Variants in TENM4 observed in about 807,000 individuals in gnomAD.
TENM4 encodes teneurin-4.
In TENM4, 82 loss-of-function variants were observed where a neutral mutation model predicts 243.3. The ratio of observed to expected loss-of-function variants is 0.34; its 90% CI spans 0.28 to 0.40. The LOEUF (loss-of-function observed/expected upper bound fraction) is 0.40. TENM4 is among the 10% of genes least tolerant of loss of function. The probability of loss-of-function intolerance (pLI) is 1.00; values close to 1 mark genes in which losing one functional copy is unlikely to be tolerated. For missense variants in TENM4, 3,138 were observed against 3,673.3 expected, an observed-to-expected ratio of 0.85 and a Z score of 3.77; for synonymous variants, 1,412 against 1,456.3, an observed-to-expected ratio of 0.97 and a Z score of 0.69.
At chr11:79,017,077 A>G (rs1858793199) in intron 6 of TENM4, among the ~76,000 whole-genome samples, 1 of 152,226 alleles carries the variant, frequency 6.6e-6, no homozygotes, top group Non-Finnish European at 1.5e-5. Flanking sequence ...TATAATTATC[A>G]TTAAGTGGGC....
chr11:78,745,852 AT>A (rs1856039382), intron 19 of TENM4, among the ~76,000 whole-genome samples: 1 of 152,188 alleles, frequency 6.6e-6, no homozygotes, highest in African/African-American at 2.4e-5. Context: ...CCAACTTCTC[AT>A]TGTGCTTCAA....
Position 78,903,202 on chromosome 11 carries a change from A to G in TENM4, c.749+66T>C, listed in dbSNP as rs925133057. On this transcript the variant is annotated intron_variant, in intron 7 of 33. Transcript: ENST00000278550. ...GGGACACTGAATGGCCCCGCCAGCCAAAGACCTTGGTCCGGGCCCCGGGTG... is the reference window on the plus strand; with the variant it reads ...GGGACACTGAATGGCCCCGCCAGCCGAAGACCTTGGTCCGGGCCCCGGGTG... 53 of 1,452,936 alleles carry G rather than the reference A, an allele frequency of 3.6e-5. No homozygotes were observed. The East Asian group carries it at 1.0e-3, about 28-fold the overall frequency. 90.0% of individuals were successfully genotyped at this position (1,452,936 alleles called of 1,614,324 possible). A position where few individuals can be genotyped will look rare whatever the true frequency, so the allele number is the denominator to read the frequency against.
rs189920497 is a variant in TENM4, at chr11:78,945,562, C to T, written c.494-42039G>A. ...CCAAGTGAAAGAAAGAGTTGTGTGC[C>T]TCTCACTTTAAATCTAAAGCTAGAA... On this transcript the variant is annotated intron_variant, in intron 6 of 33. Transcript: ENST00000278550. 5.9e-5 allele frequency among the ~76,000 whole-genome samples: 9 copies of T among 152,278 alleles called. No individual in the cohort carries two copies. The East Asian group carries it at 1.7e-3, about 29-fold the overall frequency.
At chr11:78,841,245 T>C (rs112507869) in intron 12 of TENM4, among the ~76,000 whole-genome samples, 34 of 152,324 alleles carry the variant, frequency 2.2e-4, no homozygotes, top group African/African-American at 7.9e-4. Context: ...CCCACTGCTA[T>C]TAAGTGGCAG....
chr11:78,953,558 A>G (rs1294838836), intron 6 of TENM4, among the ~76,000 whole-genome samples: 1 of 152,176 alleles, frequency 6.6e-6, no homozygotes, highest in African/African-American at 2.4e-5. Flanking sequence ...GCCCCTCCAA[A>G]TCCATGGACT....
intron 1 of TENM4, among the ~76,000 whole-genome samples, chr11:79,417,576 G>A (rs937956258): frequency 3.3e-5 from 5 of 151,874 alleles, no homozygotes; most frequent in African/African-American, 1.2e-4. Flanking sequence ...GAACCATGGT[G>A]TTTATGCCCC....
chr11:78,924,130 C>T (rs1473348934), intron 6 of TENM4, among the ~76,000 whole-genome samples: 3 of 152,204 alleles, frequency 2.0e-5, no homozygotes, highest in Admixed American at 1.3e-4. Context: ...GCTGGGATTA[C>T]AGGCGTGAGC....
At chr11:78,934,485 C>G (rs1282072731) in intron 6 of TENM4, among the ~76,000 whole-genome samples, 1 of 152,162 alleles carries the variant, frequency 6.6e-6, no homozygotes, top group Non-Finnish European at 1.5e-5. Flanking sequence ...GTTTCTTTAT[C>G]TTTCACGGGT....
At chr11:79,433,821 T>A (rs190091567) in intron 1 of TENM4, among the ~76,000 whole-genome samples, 1 of 152,288 alleles carries the variant, frequency 6.6e-6, no homozygotes, top group Non-Finnish European at 1.5e-5. Context: ...CCCTTCACCT[T>A]CCCTAGTGAA....
chr11:79,434,991 T>C (rs1411086643), intron 1 of TENM4, among the ~76,000 whole-genome samples: 2 of 152,226 alleles, frequency 1.3e-5, no homozygotes, highest in South Asian at 2.1e-4. Flanking sequence ...TGGGGGTCTA[T>C]GTAGCATTAC....
chr11:79,113,981 A>G (rs745911161), intron 4 of TENM4, among the ~76,000 whole-genome samples: 32 of 152,152 alleles, frequency 2.1e-4, no homozygotes, highest in Non-Finnish European at 3.1e-4. Context: ...GGTTGTGATC[A>G]TTCTCCCATC....
At chr11:78,870,210 A>C (rs1265214382) in intron 9 of TENM4, among the ~76,000 whole-genome samples, 1 of 152,256 alleles carries the variant, frequency 6.6e-6, no homozygotes, top group African/African-American at 2.4e-5. Context: ...CCAGGAGCTC[A>C]GTAAATGGCA....
At chr11:79,329,132 C>T (rs979963104) in intron 1 of TENM4, among the ~76,000 whole-genome samples, 2 of 152,232 alleles carry the variant, frequency 1.3e-5, no homozygotes, top group Non-Finnish European at 2.9e-5. Flanking sequence ...GCAGCCTTCA[C>T]TAGATGAGCA....
chr11:79,063,959 CTTTTTA>C (rs1860169480), intron 6 of TENM4, among the ~76,000 whole-genome samples: 1 of 151,928 alleles, frequency 6.6e-6, no homozygotes, highest in Admixed American at 6.6e-5. Context: ...TTTTTACTTT[CTTTTTA>C]TTTTTAATAG....
intron 3 of TENM4, among the ~76,000 whole-genome samples, chr11:79,164,549 C>T (rs545952756): frequency 2.6e-4 from 36 of 141,122 alleles, no homozygotes; most frequent in African/African-American, 9.0e-4. Context: ...CTATATATAT[C>T]TATATACTAT....
At position 79,431,223 on chromosome 11, in the gene TENM4, G is replaced by T. The variant is rs139891887; in HGVS notation, c.-321+9286C>A. Among the ~76,000 whole-genome samples, 435 of 152,286 alleles carry T rather than the reference G, an allele frequency of 2.9e-3. 4 individuals are homozygous for T. The highest frequency in any genetic ancestry group is 9.6e-3 in the African/African-American group (399 of 41,558). On this transcript the variant is annotated intron_variant, in intron 1 of 33. Transcript: ENST00000278550. ...TTAAAAATACTTTTGGGGTTTAGCA[G>T]TATAGTGTTTAGTATTTTTTAAACA... is the stretch of plus-strand genomic sequence containing the variant.
chr11:78,765,157 G>A (rs1856517734), intron 18 of TENM4, among the ~76,000 whole-genome samples: 1 of 152,190 alleles, frequency 6.6e-6, no homozygotes, highest in African/African-American at 2.4e-5. Context: ...AATAGTATCT[G>A]AGGAGGCCCT....
chr11:78,778,981 C>T (rs183715251), intron 16 of TENM4, among the ~76,000 whole-genome samples: 57 of 152,342 alleles, frequency 3.7e-4, no homozygotes, highest in African/African-American at 1.3e-3. Context: ...TCTGGCTTTA[C>T]GGAAAACTAG....
intron 4 of TENM4, among the ~76,000 whole-genome samples, chr11:79,127,510 C>CT (rs33964630): frequency 0.93 from 141,631 of 152,076 alleles, 66,588 homozygotes; most frequent in Middle Eastern, 1. Flanking sequence ...TTGGCAAATA[C>CT]TTTTTTTTCC....
Sources: gnomAD v4.1 joint callset for allele counts (sites outside exome capture counted in the v4.1 genomes callset) on GRCh38, gnomAD v4.1.1 for gene constraint, MANE v1.5 for transcripts, NCBI Gene and HGNC (gene_info 2026-07-23, HGNC 2026-07-21) for gene names.